Variants in KIF13B observed in about 807,000 individuals in gnomAD.
The protein encoded by KIF13B is kinesin-like protein KIF13B.
KIF13B carries 127 observed loss-of-function variants against 222.0 expected under a neutral mutation model. The ratio of observed to expected loss-of-function variants is 0.57; its 90% CI spans 0.50 to 0.66. The LOEUF (loss-of-function observed/expected upper bound fraction) is 0.66. Among genes scored for constraint, KIF13B ranks in the 30% least tolerant of loss-of-function variants. The probability of loss-of-function intolerance (pLI) is 0.00; values close to 1 mark genes in which losing one functional copy is unlikely to be tolerated. For synonymous variants in KIF13B, 976 were observed against 919.0 expected (o/e 1.06, Z -1.12); for missense variants, 2,173 against 2,379.0 (o/e 0.91, Z 1.80).
intron 29 of KIF13B, among the ~76,000 whole-genome samples, chr8:29,122,135 TC>T (rs1809892978): frequency 6.6e-6 from 1 of 152,062 alleles, no homozygotes; most frequent in Non-Finnish European, 1.5e-5. Context: ...AAGCCTGTAA[TC>T]CCAGCTACTC....
intron 12 of KIF13B, 89 bp downstream of exon 12, chr8:29,165,573 G>C (rs1811955419): frequency 6.4e-6 from 5 of 777,670 alleles, no homozygotes; most frequent in Non-Finnish European, 6.6e-6. Context: ...CAGCCAAGCT[G>C]AAGATCAAAA....
intron 9 of KIF13B, 43 bp from the exon 10 acceptor site, chr8:29,176,222 T>C (rs750736276): frequency 8.6e-7 from 1 of 1,161,668 alleles, no homozygotes; most frequent in East Asian, 2.4e-5. Flanking sequence ...AAATGAAATA[T>C]ATCAAATGTC....
chr8:29,125,497 C>T (rs571682058), intron 26 of KIF13B, among the ~76,000 whole-genome samples: 10 of 152,236 alleles, frequency 6.6e-5, no homozygotes, highest in African/African-American at 1.9e-4. Context: ...TTAATGTCAG[C>T]TTGAAAAAAG....
In KIF13B at chr8:29,108,060, A is replaced by T; in HGVS notation, c.4215+79T>A. ...GTAGAGGAAATTCTGGCTTGCAAAA[A>T]TAACCTGAGATTTGAGAAGATGAAA... On this transcript the variant is annotated intron_variant, in intron 35 of 39. Coordinates refer to ENST00000524189, the MANE Select transcript of KIF13B (RefSeq NM_015254.4). 10 of 1,292,202 alleles carry T rather than the reference A, an allele frequency of 7.7e-6. No homozygotes were observed. In the South Asian group the frequency reaches 1.3e-4, roughly 17 times the overall value. The allele number at this position is 1,292,202 out of a possible 1,614,324, so 80.0% of individuals were successfully genotyped here.
chr8:29,211,219 T>C (rs1814208157), intron 2 of KIF13B, among the ~76,000 whole-genome samples: 1 of 152,216 alleles, frequency 6.6e-6, no homozygotes, highest in South Asian at 2.1e-4. Flanking sequence ...TTGTTTGCCA[T>C]GGGCATCAGA....
intron 37 of KIF13B, among the ~76,000 whole-genome samples, chr8:29,081,097 G>A (rs576615875): frequency 2.6e-5 from 4 of 152,290 alleles, no homozygotes; most frequent in Non-Finnish European, 5.9e-5. Flanking sequence ...GGCTCGATCC[G>A]TCCCTCCTGC....
chr8:29,213,391 G>A (rs1294937578), intron 2 of KIF13B, among the ~76,000 whole-genome samples: 1 of 152,166 alleles, frequency 6.6e-6, no homozygotes, highest in Non-Finnish European at 1.5e-5. Flanking sequence ...TATAAATGAG[G>A]GAAGTGAGGC....
Position 29,180,245 on chromosome 8 carries a change from G to A in KIF13B, c.586-7C>T. ...ACATCAACGACTCAATATCCTAAGT[G>A]GAAACAAGTCATAGACCCACGTTTC... is the stretch of plus-strand genomic sequence containing the variant. On this transcript the variant is annotated splice_polypyrimidine_tract_variant and splice_region_variant and intron_variant, in intron 7 of 39. Coordinates refer to ENST00000524189, the MANE Select transcript of KIF13B (RefSeq NM_015254.4). 2 of 1,613,740 alleles carry A rather than the reference G, an allele frequency of 1.2e-6. No individual in the cohort carries two copies. The highest frequency in any genetic ancestry group is 1.7e-6 in the Non-Finnish European group (2 of 1,179,764).
Position 29,167,731 on chromosome 8 carries a change from A to C in KIF13B, c.946-146T>G, listed in dbSNP as rs1221457796. On this transcript the variant is annotated intron_variant, in intron 10 of 39. Transcript: ENST00000524189. ...CCAGGGCTAAAATGCAGGTGTATGG[A>C]CTCGAGTCCTGTGCTGTTTCTTCTC... is the stretch of plus-strand genomic sequence containing the variant. 6.2e-6 allele frequency: 4 copies of C among 645,716 alleles called. No homozygotes were observed. The East Asian group carries it at 1.1e-4, about 17-fold the overall frequency. The allele number at this position is 645,716 out of a possible 1,614,324, so 40.0% of individuals were successfully genotyped here.
intron 23 of KIF13B, 41 bp downstream of exon 23, chr8:29,132,267 A>G: frequency 7.4e-7 from 1 of 1,351,054 alleles, no homozygotes; most frequent in Non-Finnish European, 9.7e-7. Context: ...AAAAAAAATT[A>G]CATATATATA....
intron 1 of KIF13B, among the ~76,000 whole-genome samples, chr8:29,256,178 T>C (rs1002871837): frequency 2.0e-5 from 3 of 152,202 alleles, no homozygotes; most frequent in African/African-American, 7.2e-5. Flanking sequence ...CGACACACTG[T>C]TGACTGAGAC....
In KIF13B at chr8:29,113,505, A is replaced by G; in HGVS notation, c.3888T>C (p.Pro1296=). 6.3e-7 allele frequency: 1 copy of G among 1,594,786 alleles called. No homozygotes were observed. The highest frequency in any genetic ancestry group is 1.1e-5 in the South Asian group (1 of 87,706). The change falls in exon 32 of 40, where the codon CCT becomes CCC. Residue 1296 remains proline (P), a synonymous_variant. Transcript: ENST00000524189. ...LKKMSHRSSI[P]GCGVTFEIVS... Reference sequence around the variant, plus strand: ...CAATTTCAAAAGTCACTCCACAGCCAGGAATAGAACTTCGATGAGACATCT... The same window carrying G: ...CAATTTCAAAAGTCACTCCACAGCCGGGAATAGAACTTCGATGAGACATCT...
intron 12 of KIF13B, among the ~76,000 whole-genome samples, chr8:29,164,452 G>A (rs1368984363): frequency 3.9e-5 from 6 of 152,220 alleles, no homozygotes; most frequent in African/African-American, 1.4e-4. Context: ...TTAGACTACT[G>A]AGAGGATTAC....
chr8:29,089,299 C>T (rs780937013), intron 37 of KIF13B, among the ~76,000 whole-genome samples: 4 of 152,014 alleles, frequency 2.6e-5, no homozygotes, highest in East Asian at 1.9e-4. Flanking sequence ...GTTAGCTGGG[C>T]GTGATGGAGC....
chr8:29,091,983 G>A (rs1196183935), intron 37 of KIF13B, among the ~76,000 whole-genome samples: 1 of 152,312 alleles, frequency 6.6e-6, no homozygotes, highest in East Asian at 1.9e-4. Context: ...CTTTAGTTAA[G>A]TCTCAGACGA....
rs112976535 is a variant in KIF13B at position 29,128,655 on chromosome 8, C to T, written c.3076-1387G>A. 6.2e-3 allele frequency among the ~76,000 whole-genome samples: 948 copies of T among 152,158 alleles called. 11 individuals are homozygous for T. The highest frequency in any genetic ancestry group is 0.021 in the African/African-American group (873 of 41,506). On this transcript the variant is annotated intron_variant, in intron 24 of 39. Transcript: ENST00000524189. Reference sequence around the variant, plus strand: ...GTGCCTAAGTGTGAAGGGTGAAGTGCGCACTTGAAGGGAAGATTCCTAAGG... The same window carrying T: ...GTGCCTAAGTGTGAAGGGTGAAGTGTGCACTTGAAGGGAAGATTCCTAAGG...
At chr8:29,213,930 G>A (rs1279400061) in intron 2 of KIF13B, among the ~76,000 whole-genome samples, 1 of 151,992 alleles carries the variant, frequency 6.6e-6, no homozygotes, top group Non-Finnish European at 1.5e-5. Context: ...CTCCAGTCTG[G>A]GAGACAGAGC....
rs1807265675 is a variant in KIF13B at position 29,071,372 on chromosome 8, G to A, written c.5218+248C>T. ...CCGGAACAAAAGCGGGAACAGCCAT[G>A]GCGATGGGGGGATGGGTACAGGATC... On this transcript the variant is annotated intron_variant, in intron 39 of 39. Transcript: ENST00000524189. This position sits in a 1 kb window ranked among gnomAD's most constrained non-coding sequence, Gnocchi z 4.9. Among the ~76,000 whole-genome samples the A allele has an allele frequency of 6.6e-6, 1 of 152,118 alleles. No individual in the cohort carries two copies. Among genetic ancestry groups the A allele is most frequent in the Admixed American group, 6.5e-5 (1 of 15,280 alleles).
intron 37 of KIF13B, among the ~76,000 whole-genome samples, chr8:29,090,592 A>T (rs1808253030): frequency 6.6e-6 from 1 of 152,192 alleles, no homozygotes; most frequent in East Asian, 1.9e-4. Context: ...CCACCCTGAG[A>T]AAAGGGAAAT....
Sources: allele counts gnomAD v4.1 joint callset (sites outside exome capture counted in the v4.1 genomes callset), GRCh38; gene constraint gnomAD v4.1.1; non-coding constraint Gnocchi (gnomAD v3.1); transcripts MANE v1.5; gene names NCBI Gene and HGNC (gene_info 2026-07-23, HGNC 2026-07-21).